Variants in ARHGEF10 observed in about 807,000 individuals in gnomAD.
ARHGEF10 encodes the protein Rho guanine nucleotide exchange factor (GEF) 10.
A neutral mutation model predicts 147.4 loss-of-function variants in ARHGEF10; 140 were observed. The ratio of observed to expected loss-of-function variants is 0.95; its 90% CI spans 0.83 to 1.09. ARHGEF10 has a LOEUF of 1.09. Among genes scored for constraint, ARHGEF10 ranks in the 50% least tolerant of loss-of-function variants. The pLI is 0.00. For missense variants in ARHGEF10, 2,222 were observed against 1,752.7 expected (o/e 1.27, Z -4.78); for synonymous variants, 902 against 695.8 (o/e 1.30, Z -4.67).
chr8:1,948,239 T>G lies in ARHGEF10; in HGVS notation c.3397+2584T>G, dbSNP rs550626130. Among the ~76,000 whole-genome samples, 2 of 152,262 alleles carry G rather than the reference T, an allele frequency of 1.3e-5. No homozygotes were observed. The highest frequency in any genetic ancestry group is 3.9e-4 in the East Asian group (2 of 5,166). The stretch of plus-strand genomic sequence containing the variant: ...TCCAACATCCTGGGCTGGCTCTCCA[T>G]GGCCACAGTGCGTGCTCTCAGCCCC... On this transcript the variant is annotated intron_variant, in intron 27 of 28. Transcript: ENST00000349830. The surrounding 1 kb of genome is among the most constrained non-coding windows in gnomAD (Gnocchi z 4.9).
intron 1 of ARHGEF10, among the ~76,000 whole-genome samples, chr8:1,832,104 C>G (rs1365452229): frequency 6.6e-6 from 1 of 152,150 alleles, no homozygotes; most frequent in Non-Finnish European, 1.5e-5. Context: ...TTAGTCCACC[C>G]AGGGGGTCCT....
chr8:1,937,646 A>AG lies in ARHGEF10; in HGVS notation c.3222+3708dup, dbSNP rs1813726085. Among the ~76,000 whole-genome samples the AG allele has an allele frequency of 6.6e-6, 1 of 152,252 alleles. No individual in the cohort carries two copies. Among genetic ancestry groups the AG allele is most frequent in the Non-Finnish European group, 1.5e-5 (1 of 68,042 alleles). On this transcript the variant is annotated intron_variant, in intron 26 of 28. Transcript: ENST00000349830. This position sits in a 1 kb window ranked among gnomAD's most constrained non-coding sequence, Gnocchi z 4.9. ...ATTCATCCTGTCGTTCCCGTTGTGCAGGGGAACTGTGGCCAGGGGCTGGGG... is the reference window on the plus strand; with the variant it reads ...ATTCATCCTGTCGTTCCCGTTGTGCAGGGGGAACTGTGGCCAGGGGCTGGGG...
chr8:1,909,124 A>C (rs1811151249), intron 17 of ARHGEF10, among the ~76,000 whole-genome samples, 171 bp from the exon 18 acceptor site: 1 of 152,218 alleles, frequency 6.6e-6, no homozygotes. Flanking sequence ...TCTTTATGGC[A>C]GCAAGTGGGG....
chr8:1,898,604 C>T, intron 15 of ARHGEF10, 79 bp downstream of exon 15: 13 of 1,424,856 alleles, frequency 9.1e-6, no homozygotes, highest in Admixed American at 7.2e-5. Flanking sequence ...TCTGTTCCTC[C>T]ACTTTGGAAT....
At chr8:1,832,467 CAG>C (rs1341328758) in intron 1 of ARHGEF10, among the ~76,000 whole-genome samples, 83 of 137,274 alleles carry the variant, frequency 6.0e-4, no homozygotes, top group African/African-American at 2.3e-3. Context: ...GAGGCAGAGA[CAG>C]AGGCAGAGAG....
chr8:1,849,749 G>A (rs1479500270), intron 2 of ARHGEF10, among the ~76,000 whole-genome samples: 1 of 149,754 alleles, frequency 6.7e-6, no homozygotes, highest in Non-Finnish European at 1.5e-5. Flanking sequence ...TGCTGAGGAG[G>A]GCGTGGGGCG....
At chr8:1,827,419 C>CTGCCT (rs1229318049) in intron 1 of ARHGEF10, among the ~76,000 whole-genome samples, 5 of 152,182 alleles carry the variant, frequency 3.3e-5, no homozygotes, top group Admixed American at 1.3e-4. Context: ...AGCAATTCTC[C>CTGCCT]TGCCTCTGCC....
At chr8:1,907,075 C>T (rs181192002) in intron 17 of ARHGEF10, among the ~76,000 whole-genome samples, 73 of 152,296 alleles carry the variant, frequency 4.8e-4, no homozygotes, top group East Asian at 7.7e-4. Flanking sequence ...GAGGAGCTGA[C>T]GGAGTGAGGC....
At chr8:1,945,098 G>A (rs1278124982) in intron 26 of ARHGEF10, among the ~76,000 whole-genome samples, 1 of 152,232 alleles carries the variant, frequency 6.6e-6, no homozygotes, top group Non-Finnish European at 1.5e-5. Context: ...GCAGGCAGTG[G>A]GGCCCCATGC....
At chr8:1,874,712 C>A (rs1305275873) in intron 7 of ARHGEF10, among the ~76,000 whole-genome samples, 1 of 151,586 alleles carries the variant, frequency 6.6e-6, no homozygotes, top group Admixed American at 6.6e-5. Context: ...AGTGCAGACA[C>A]ACACCGGGGT....
rs779207960 is a variant in ARHGEF10 at position 1,929,462 on chromosome 8, C to A, written c.3079+19C>A. The A allele has an allele frequency of 6.3e-7, 1 of 1,593,564 alleles. No individual in the cohort carries two copies. Among genetic ancestry groups the A allele is most frequent in the Non-Finnish European group, 8.5e-7 (1 of 1,170,486 alleles). Reference sequence around the variant, plus strand: ...GCCCCAGGTGAGGCGGGTCTCACGGCCTCCTGGCCGGTCCTTGGGGTTCAC... The same window carrying A: ...GCCCCAGGTGAGGCGGGTCTCACGGACTCCTGGCCGGTCCTTGGGGTTCAC... On this transcript the variant is annotated intron_variant, in intron 25 of 28. Transcript: ENST00000349830.
intron 15 of ARHGEF10, among the ~76,000 whole-genome samples, chr8:1,899,474 T>C (rs1428744999): frequency 6.6e-6 from 1 of 152,198 alleles, no homozygotes; most frequent in Non-Finnish European, 1.5e-5. Flanking sequence ...TGGGAAATAG[T>C]GTGAAGTCCC....
rs185646826 is a variant in ARHGEF10 at position 1,900,120 on chromosome 8, T to C, written c.1650+1595T>C. 4.5e-4 allele frequency among the ~76,000 whole-genome samples: 68 copies of C among 152,338 alleles called. No individual in the cohort carries two copies. In the East Asian group the frequency reaches 0.012, roughly 26 times the overall value. ...TTAAATTTATTAAATTTGGATATAA[T>C]TTTCAAACAAGCTTGTTAGGTTTTG... On this transcript the variant is annotated intron_variant, in intron 15 of 28. Coordinates refer to ENST00000349830, the MANE Select transcript of ARHGEF10 (RefSeq NM_014629.4).
At position 1,860,141 on chromosome 8, in the gene ARHGEF10, C is replaced by T. The variant is rs546332163; in HGVS notation, c.438C>T (p.Tyr146=). 3.7e-6 allele frequency: 6 copies of T among 1,613,978 alleles called. No homozygotes were observed. Among genetic ancestry groups the T allele is most frequent in the Admixed American group, 1.7e-5 (1 of 60,030 alleles). Residue 146 remains tyrosine (Y), a synonymous_variant, in exon 4 of 29, where the codon TAC becomes TAT. Coordinates refer to ENST00000349830, the MANE Select transcript of ARHGEF10 (RefSeq NM_014629.4). ...ACCTGCCCCTCCTGCTGCCCGCCTA[C>T]TCCAGCCCGGTCATCATCTGCGCCA... ...PSNLPLLLPA[Y]SSPVIICATS... is the part of the protein sequence containing the mutation.
chr8:1,955,814 G>A (rs933255282), intron 28 of ARHGEF10, among the ~76,000 whole-genome samples: 2 of 152,278 alleles, frequency 1.3e-5, no homozygotes, highest in Non-Finnish European at 2.9e-5. Flanking sequence ...CCTTCTGGGG[G>A]CTTGCCCAGG....
intron 27 of ARHGEF10, 90 bp from the exon 28 acceptor site, chr8:1,952,615 C>G: frequency 1.3e-6 from 2 of 1,552,730 alleles, no homozygotes; most frequent in Non-Finnish European, 1.8e-6. Flanking sequence ...GGTGGCACGA[C>G]AGGCCTGTGG....
intron 4 of ARHGEF10, 39 bp from the exon 5 acceptor site, chr8:1,864,334 C>T: frequency 1.2e-6 from 2 of 1,603,668 alleles, no homozygotes; most frequent in Non-Finnish European, 1.7e-6. Context: ...GCATTTTTGT[C>T]AGGCGTAAAG....
At position 1,952,561 on chromosome 8, in the gene ARHGEF10, G is replaced by C. The variant is rs559383478; in HGVS notation, c.3398-144G>C. The C allele has an allele frequency of 8.1e-6, 9 of 1,107,364 alleles. No homozygotes were observed. The African/African-American group carries it at 1.1e-4, about 13-fold the overall frequency. The allele number at this position is 1,107,364 out of a possible 1,614,324, so 68.6% of individuals were successfully genotyped here. A position where few individuals can be genotyped will look rare whatever the true frequency, so the allele number is the denominator to read the frequency against. On this transcript the variant is annotated intron_variant, in intron 27 of 28. Transcript: ENST00000349830. ...GTGGTTGAGGGAGCCTGGTGCTCGG[G>C]TTTGGGAACTCCTGTGCCACATCCT...
rs535315613 is a variant in ARHGEF10, at chr8:1,850,552, G to A, written c.37+7116G>A. ...GCTGAGGAGGGCGTGGGGCAGCTGC[G>A]TGGACACAGACGGCAAATGCTGAGG... On this transcript the variant is annotated intron_variant, in intron 2 of 28. Coordinates refer to ENST00000349830, the MANE Select transcript of ARHGEF10 (RefSeq NM_014629.4). Among the ~76,000 whole-genome samples, 83 of 151,058 alleles carry A rather than the reference G, an allele frequency of 5.5e-4. 2 individuals are homozygous for A. In the South Asian group the frequency reaches 0.017, roughly 31 times the overall value.
Sources: gnomAD v4.1 joint callset for allele counts (sites outside exome capture counted in the v4.1 genomes callset) on GRCh38, gnomAD v4.1.1 for gene constraint, Gnocchi (gnomAD v3.1) non-coding constraint, MANE v1.5 for transcripts, NCBI Gene and HGNC (gene_info 2026-07-23, HGNC 2026-07-21) for gene names.